Variants in NRP2 observed in about 807,000 individuals in gnomAD.
The protein encoded by NRP2 is neuropilin-2.
Under a neutral mutation model 110.4 loss-of-function variants are expected in NRP2, and 52 were observed. The observed-to-expected ratio is 0.47, with a 90% CI of 0.38 to 0.59. The LOEUF (loss-of-function observed/expected upper bound fraction) is 0.59, where lower values mean the gene tolerates loss of function less well. NRP2 is among the 20% of genes least tolerant of loss of function. The pLI is 0.00. For missense variants in NRP2, 1,049 were observed against 1,203.0 expected, an observed-to-expected ratio of 0.87 and a Z score of 1.89; for synonymous variants, 508 against 468.9, an observed-to-expected ratio of 1.08 and a Z score of -1.08.
chr2:205,776,131 G>A, intron 15 of NRP2: 2 of 1,045,650 alleles, frequency 1.9e-6, no homozygotes, highest in East Asian at 2.4e-5. Flanking sequence ...TAGTCCCCCA[G>A]ACCCTTCCCT....
intron 2 of NRP2, among the ~76,000 whole-genome samples, chr2:205,712,739 G>A (rs1210697701): frequency 6.6e-6 from 1 of 152,164 alleles, no homozygotes; most frequent in Non-Finnish European, 1.5e-5. Flanking sequence ...AAGACCATGT[G>A]GTTAAGTGGG....
At chr2:205,705,661 A>C (rs1310092711) in intron 2 of NRP2, among the ~76,000 whole-genome samples, 3 of 152,166 alleles carry the variant, frequency 2.0e-5, no homozygotes, top group Non-Finnish European at 4.4e-5. Flanking sequence ...TTCTATGTTT[A>C]ACCGCCACAG....
chr2:205,696,258 G>A (rs944498587), intron 1 of NRP2, among the ~76,000 whole-genome samples: 1 of 152,186 alleles, frequency 6.6e-6, no homozygotes, highest in Non-Finnish European at 1.5e-5. Flanking sequence ...ATAGTAAAGT[G>A]CACCTGTAGA....
At chr2:205,753,831 T>A (rs1435320685) in intron 12 of NRP2, among the ~76,000 whole-genome samples, 1 of 152,238 alleles carries the variant, frequency 6.6e-6, no homozygotes, top group Non-Finnish European at 1.5e-5. Flanking sequence ...AGTTGAGAAG[T>A]CAGTAAGAGA....
At chr2:205,788,913 T>C (rs2058267008) in intron 15 of NRP2, among the ~76,000 whole-genome samples, 1 of 152,184 alleles carries the variant, frequency 6.6e-6, no homozygotes, top group Admixed American at 6.5e-5. Context: ...GTTAGGCTGG[T>C]TAGTTGGTTA....
intron 15 of NRP2, chr2:205,776,349 G>C (rs756876111): frequency 6.8e-6 from 11 of 1,612,938 alleles, no homozygotes; most frequent in Non-Finnish European, 9.3e-6. Context: ...GCGCCGTGCT[G>C]GTGCTGGTCT....
chr2:205,704,031 A>C (rs1031148420), intron 2 of NRP2, among the ~76,000 whole-genome samples: 2 of 152,040 alleles, frequency 1.3e-5, no homozygotes, highest in Non-Finnish European at 2.9e-5. Flanking sequence ...TGCTGTCCCC[A>C]CCTTCCCTGT....
At chr2:205,719,223 G>A (rs996167696) in intron 3 of NRP2, among the ~76,000 whole-genome samples, 3 of 152,142 alleles carry the variant, frequency 2.0e-5, no homozygotes, top group African/African-American at 4.8e-5. Flanking sequence ...ACACAGATAC[G>A]CAAATAGCCA....
intron 1 of NRP2, among the ~76,000 whole-genome samples, chr2:205,683,783 A>C (rs139742748): frequency 0.01 from 1,588 of 152,300 alleles, 23 homozygotes; most frequent in South Asian, 0.034. Flanking sequence ...CCACTTAGCT[A>C]CATTGAGCAA....
intron 2 of NRP2, 165 bp downstream of exon 2, chr2:205,697,886 G>A: frequency 2.7e-6 from 2 of 743,348 alleles, no homozygotes; most frequent in Admixed American, 1.9e-5. Flanking sequence ...CCCTTTCCAG[G>A]GAAATAAAGG....
chr2:205,765,203 A>T (rs1446958856), intron 13 of NRP2, among the ~76,000 whole-genome samples: 1 of 152,168 alleles, frequency 6.6e-6, no homozygotes, highest in Non-Finnish European at 1.5e-5. Context: ...TTTAATCAAT[A>T]CATTCTAGTT....
At chr2:205,708,561 C>A (rs1216729284) in intron 2 of NRP2, among the ~76,000 whole-genome samples, 1 of 152,204 alleles carries the variant, frequency 6.6e-6, no homozygotes, top group Non-Finnish European at 1.5e-5. Context: ...TTCTTGGCAG[C>A]CTGCTCCATG....
intron 15 of NRP2, among the ~76,000 whole-genome samples, chr2:205,784,001 G>GACACACACACACCCACACAC (rs2058207409): frequency 6.7e-6 from 1 of 148,652 alleles, no homozygotes; most frequent in African/African-American, 2.5e-5. Flanking sequence ...ATCTCTCTCT[G>GACACACACACACCCACACAC]ACACACACAC....
chr2:205,749,457 G>A (rs138411455), intron 10 of NRP2, among the ~76,000 whole-genome samples: 1 of 152,218 alleles, frequency 6.6e-6, no homozygotes, highest in Non-Finnish European at 1.5e-5. Context: ...GTGGCCTTTT[G>A]TGCTAAACTC....
chr2:205,752,115 C>T (rs1199956494), intron 11 of NRP2, among the ~76,000 whole-genome samples: 2 of 152,166 alleles, frequency 1.3e-5, no homozygotes, highest in Non-Finnish European at 1.5e-5. Context: ...CTCTACCTCC[C>T]GGGGTCGCAG....
chr2:205,697,563 T>C lies in NRP2; in HGVS notation c.93T>C (p.Arg31=). The C allele has an allele frequency of 1.2e-6, 2 of 1,614,012 alleles. No individual in the cohort carries two copies. Among genetic ancestry groups the C allele is most frequent in the South Asian group, 2.2e-5 (2 of 91,062 alleles). Residue 31 remains arginine (R), a synonymous_variant, in exon 2 of 17, where the codon CGT becomes CGC. Coordinates refer to ENST00000357785, the MANE Select transcript of NRP2 (RefSeq NM_003872.3). ...RGQPDPPCGG[R]LNSKDAGYIT... is the part of the protein sequence containing the mutation. ...TTTCAGACCCACCGTGCGGAGGTCG[T>C]TTGAATTCCAAAGATGCTGGCTATA...
At chr2:205,707,769 T>C (rs2056711267) in intron 2 of NRP2, among the ~76,000 whole-genome samples, 1 of 152,156 alleles carries the variant, frequency 6.6e-6, no homozygotes, top group South Asian at 2.1e-4. Context: ...GCCCTCACAA[T>C]TGGATCCCCT....
chr2:205,684,119 A>G (rs945779792), intron 1 of NRP2, among the ~76,000 whole-genome samples: 2 of 152,178 alleles, frequency 1.3e-5, no homozygotes, highest in African/African-American at 2.4e-5. Flanking sequence ...TTTGTTCTCA[A>G]CCACTGCCAA....
chr2:205,783,696 C>A (rs926618634), intron 15 of NRP2, among the ~76,000 whole-genome samples: 2 of 152,232 alleles, frequency 1.3e-5, no homozygotes, highest in Non-Finnish European at 2.9e-5. Context: ...TACTAGCCCC[C>A]ACAGGGGCCA....
Sources: allele counts gnomAD v4.1 joint callset (sites outside exome capture counted in the v4.1 genomes callset), GRCh38; gene constraint gnomAD v4.1.1; transcripts MANE v1.5; gene names NCBI Gene and HGNC (gene_info 2026-07-23, HGNC 2026-07-21).